Variants in RABEP2 observed in about 807,000 individuals in gnomAD.
The protein encoded by RABEP2 is rab GTPase-binding effector protein 2.
RABEP2 carries 57 observed loss-of-function variants against 74.1 expected under a neutral mutation model. The observed-to-expected ratio is 0.77, with a 90% CI of 0.62 to 0.96. The LOEUF (loss-of-function observed/expected upper bound fraction) is 0.96, where lower values mean the gene tolerates loss of function less well. Among genes scored for constraint, RABEP2 ranks in the 40% least tolerant of loss-of-function variants. RABEP2 has a pLI of 0.00. For missense variants in RABEP2, 692 were observed against 756.3 expected (o/e 0.91, Z 1.00); for synonymous variants, 351 against 344.0 (o/e 1.02, Z -0.23).
In RABEP2 at chr16:28,904,720, A is replaced by T. The variant is rs1369211744; in HGVS notation, c.*223T>A. ...CTGAGCCTGCACCTTTGGTTCCGGGAGGGGCTTGGGCCCCTCACCCAGGTG... is the reference window on the plus strand; with the variant it reads ...CTGAGCCTGCACCTTTGGTTCCGGGTGGGGCTTGGGCCCCTCACCCAGGTG... On this transcript the variant is annotated 3_prime_UTR_variant, in exon 13 of 13. Transcript: ENST00000358201. 1 of 641,116 alleles carries T rather than the reference A, an allele frequency of 1.6e-6. No individual in the cohort carries two copies. The highest frequency in any genetic ancestry group is 2.6e-6 in the Non-Finnish European group (1 of 383,294). The allele number at this position is 641,116 out of a possible 1,614,324, so 39.7% of individuals were successfully genotyped here.
chr16:28,916,688 A>AG (rs1220523763), intron 3 of RABEP2, among the ~76,000 whole-genome samples: 1 of 150,386 alleles, frequency 6.6e-6, no homozygotes, highest in Non-Finnish European at 1.5e-5. Context: ...AAAAAAAAAA[A>AG]AAAAAAAAAA....
intron 8 of RABEP2, among the ~76,000 whole-genome samples, chr16:28,906,552 G>A (rs977368783): frequency 3.3e-5 from 5 of 152,114 alleles, no homozygotes; most frequent in Non-Finnish European, 7.4e-5. Flanking sequence ...ATCACGTGAG[G>A]TCAGGAGTTC....
chr16:28,905,888 GGAAA>G lies in RABEP2; in HGVS notation c.1424-14_1424-11del, dbSNP rs780677863. On this transcript the variant is annotated splice_polypyrimidine_tract_variant and intron_variant, in intron 9 of 12. Coordinates refer to ENST00000358201, the MANE Select transcript of RABEP2 (RefSeq NM_024816.3). ...TCACCCTCCAGCACCTCTGTGGGAA[GGAAA>G]GAAAGAGAGGTCAAGGCCAGCCTCT... 7.4e-6 allele frequency: 12 copies of G among 1,613,646 alleles called. No homozygotes were observed. The highest frequency in any genetic ancestry group is 4.5e-5 in the East Asian group (2 of 44,902).
intron 2 of RABEP2, among the ~76,000 whole-genome samples, chr16:28,921,821 C>G (rs1486831165): frequency 6.6e-6 from 1 of 151,660 alleles, no homozygotes; most frequent in African/African-American, 2.4e-5. Flanking sequence ...AAAATTTAAC[C>G]AGGCATGGTG....
rs779033223 is a variant in RABEP2, at chr16:28,904,999, G to A, written c.1654C>T (p.Arg552Cys). 4.3e-6 allele frequency: 7 copies of A among 1,611,996 alleles called. No individual in the cohort carries two copies. Among genetic ancestry groups the A allele is most frequent in the South Asian group, 2.2e-5 (2 of 91,074 alleles). ...AGTGGCGCCTCATCCATGATGCTGC[G>A]CACTTGCTCCAGGGTCTCAGCCTGG... is the stretch of plus-strand genomic sequence containing the variant. Reference protein sequence around the residue: ...IRQAETLEQVRSIMDEAPLTD... With the variant: ...IRQAETLEQVCSIMDEAPLTD... The change falls in exon 13 of 13, where the codon CGC (arginine) becomes TGC (cysteine). Residue 552 changes from arginine to cysteine, a missense_variant. By Grantham distance (180) the Arg-to-Cys change is radical. Coordinates refer to ENST00000358201, the MANE Select transcript of RABEP2 (RefSeq NM_024816.3).
chr16:28,922,444 G>T (rs1443809154), intron 2 of RABEP2, among the ~76,000 whole-genome samples: 2 of 152,060 alleles, frequency 1.3e-5, no homozygotes, highest in South Asian at 4.1e-4. Context: ...AAATGGGGCC[G>T]GGCGTGGTGG....
chr16:28,922,056 T>A (rs1000279228), intron 2 of RABEP2, among the ~76,000 whole-genome samples: 1 of 152,040 alleles, frequency 6.6e-6, no homozygotes, highest in Non-Finnish European at 1.5e-5. Flanking sequence ...ACTGCAGCCT[T>A]AAACTCTTGG....
At chr16:28,911,213 C>A in intron 5 of RABEP2, 34 bp from the exon 6 acceptor site, 1 of 1,593,646 alleles carries the variant, frequency 6.3e-7, no homozygotes, top group East Asian at 2.2e-5. Flanking sequence ...CTGCATCTCC[C>A]AGGAACTTGG....
chr16:28,907,168 T>TG (rs1397547777), intron 8 of RABEP2, among the ~76,000 whole-genome samples: 1 of 148,674 alleles, frequency 6.7e-6, no homozygotes, highest in Non-Finnish European at 1.5e-5. Flanking sequence ...CTTTGTTTTT[T>TG]TTTTTTTTTT....
In RABEP2 at chr16:28,924,652, T is replaced by TTACCCCGG. The variant is rs768565098; in HGVS notation, c.62-38_62-37insCCGGGGTA. 2.7e-5 allele frequency: 43 copies of TTACCCCGG among 1,575,678 alleles called. No individual in the cohort carries two copies. The African/African-American group carries it at 3.4e-4, about 12-fold the overall frequency. ...AGGGATCAGCCTCTCTTCCCATCTC[T>TTACCCCGG]TACCCCAGGCCACCTACCGGCTTAG... On this transcript the variant is annotated intron_variant, in intron 1 of 12. Coordinates refer to ENST00000358201, the MANE Select transcript of RABEP2 (RefSeq NM_024816.3).
chr16:28,906,073 TCTC>T lies in RABEP2; in HGVS notation c.1366_1368del (p.Glu456del), dbSNP rs1262138235. 2 of 1,599,314 alleles carry T rather than the reference TCTC, an allele frequency of 1.3e-6. No individual in the cohort carries two copies. The highest frequency in any genetic ancestry group is 1.1e-5 in the South Asian group (1 of 89,402). ...CCCTCCAGGCTGGCCCTGGCCACTG[TCTC>T]CTCCTCCAGAGCCTCCCGCAGCGTC... On this transcript the variant is annotated inframe_deletion, in exon 9 of 13. Transcript: ENST00000358201.
At chr16:28,922,944 G>A (rs1964485988) in intron 2 of RABEP2, among the ~76,000 whole-genome samples, 1 of 151,984 alleles carries the variant, frequency 6.6e-6, no homozygotes, top group African/African-American at 2.4e-5. Context: ...TCCAACCTTT[G>A]GCTGTTTTCC....
In RABEP2 at chr16:28,906,062, C is replaced by T; in HGVS notation, c.1380G>A (p.Arg460=). Residue 460 remains arginine, a synonymous_variant, in exon 9 of 13, where the codon AGG becomes AGA. Coordinates refer to ENST00000358201, the MANE Select transcript of RABEP2 (RefSeq NM_024816.3). The part of the protein sequence containing the change: ...REALEEETVA[R]ASLEGQLRVQ... ...CCCTCAGCTGCCCCTCCAGGCTGGC[C>T]CTGGCCACTGTCTCCTCCTCCAGAG... The T allele has an allele frequency of 6.2e-7, 1 of 1,600,942 alleles. No homozygotes were observed. The highest frequency in any genetic ancestry group is 2.3e-5 in the East Asian group (1 of 44,194).
chr16:28,919,642 G>A, intron 3 of RABEP2, 144 bp downstream of exon 3: 1 of 961,660 alleles, frequency 1.0e-6, no homozygotes, highest in South Asian at 2.0e-5. Context: ...ACAGAGCCAA[G>A]CTCTCAACAA....
chr16:28,918,972 T>C (rs952252973), intron 3 of RABEP2, among the ~76,000 whole-genome samples: 2 of 151,842 alleles, frequency 1.3e-5, no homozygotes, highest in African/African-American at 4.8e-5. Context: ...AAGCATGAGT[T>C]AGTCCTCTGC....
Position 28,904,811 on chromosome 16 carries a change from C to A in RABEP2, c.*132G>T. The A allele has an allele frequency of 1.3e-6, 1 of 741,766 alleles. No individual in the cohort carries two copies. Among genetic ancestry groups the A allele is most frequent in the African/African-American group, 1.8e-5 (1 of 56,732 alleles). 45.9% of individuals were successfully genotyped at this position (741,766 alleles called of 1,614,324 possible). Reference sequence around the variant, plus strand: ...GCGCTGGAGGGCGGGGCGGTGGTGGCCCCCGTCAGTCCCCTCAACCCCAGT... The same window carrying A: ...GCGCTGGAGGGCGGGGCGGTGGTGGACCCCGTCAGTCCCCTCAACCCCAGT... On this transcript the variant is annotated 3_prime_UTR_variant, in exon 13 of 13. Coordinates refer to ENST00000358201, the MANE Select transcript of RABEP2 (RefSeq NM_024816.3).
chr16:28,914,373 G>T lies in RABEP2; in HGVS notation c.757C>A (p.Arg253Ser). 6.2e-7 allele frequency: 1 copy of T among 1,613,426 alleles called. No individual in the cohort carries two copies. Residue 253 changes from arginine to serine, a missense_variant, in exon 5 of 13, where the codon CGC (arginine) becomes AGC (serine). By Grantham distance (110) the Arg-to-Ser change is moderately radical (BLOSUM62 -1). Transcript: ENST00000358201. Reference sequence around the variant, plus strand: ...TCCTGTTCAGGGCTCAGGCCCTGGCGGCTTTGGGGCAGGGAGGAGCTGCTG... The same window carrying T: ...TCCTGTTCAGGGCTCAGGCCCTGGCTGCTTTGGGGCAGGGAGGAGCTGCTG... ...VGSSSSLPQSRQGLSPEQEET... is the reference protein window; with the variant it reads ...VGSSSSLPQSSQGLSPEQEET...
At position 28,904,970 on chromosome 16, in the gene RABEP2, C is replaced by T. The variant is rs1364673227; in HGVS notation, c.1683G>A (p.Thr561=). 6 of 1,612,774 alleles carry T rather than the reference C, an allele frequency of 3.7e-6. No homozygotes were observed. Among genetic ancestry groups the T allele is most frequent in the African/African-American group, 1.3e-5 (1 of 74,920 alleles). Residue 561 remains threonine (T), a synonymous_variant, in exon 13 of 13, where the codon ACG becomes ACA. Transcript: ENST00000358201. The part of the protein sequence containing the change: ...VRSIMDEAPL[T]DVRDIKDT ...AGGTGTCCTTGATGTCCCTGACGTCCGTGAGTGGCGCCTCATCCATGATGC... is the reference window on the plus strand; with the variant it reads ...AGGTGTCCTTGATGTCCCTGACGTCTGTGAGTGGCGCCTCATCCATGATGC...
intron 3 of RABEP2, among the ~76,000 whole-genome samples, chr16:28,919,462 T>C (rs1432571668): frequency 6.6e-6 from 1 of 152,248 alleles, no homozygotes; most frequent in Non-Finnish European, 1.5e-5. Context: ...GAGCTAACAA[T>C]ATATTACCAA....
Sources: gnomAD v4.1 joint callset for allele counts (sites outside exome capture counted in the v4.1 genomes callset) on GRCh38, gnomAD v4.1.1 for gene constraint, MANE v1.5 for transcripts, NCBI Gene and HGNC (gene_info 2026-07-23, HGNC 2026-07-21) for gene names.